The following COBL variants were observed in gnomAD, a reference collection of about 807,000 sequenced individuals.
COBL encodes cordon-bleu WH2 repeat protein.
COBL carries 51 observed loss-of-function variants against 98.8 expected under a neutral mutation model. The ratio of observed to expected loss-of-function variants is 0.52; its 90% CI spans 0.41 to 0.65. COBL has a LOEUF of 0.65. Among genes scored for constraint, COBL ranks in the 30% least tolerant of loss-of-function variants. The pLI is 0.00. For missense variants in COBL, 1,617 were observed against 1,617.5 expected, an observed-to-expected ratio of 1.00 and a Z score of 0.01; for synonymous variants, 634 against 651.7, an observed-to-expected ratio of 0.97 and a Z score of 0.41.
chr7:51,151,441 G>A (rs944173880), intron 5 of COBL, among the ~76,000 whole-genome samples: 16 of 152,144 alleles, frequency 1.1e-4, no homozygotes, highest in Admixed American at 2.6e-4. Flanking sequence ...CCACTCTGGC[G>A]TCGCACCTGC....
chr7:51,271,817 G>A (rs1798786556), intron 1 of COBL, among the ~76,000 whole-genome samples: 5 of 152,200 alleles, frequency 3.3e-5, no homozygotes, highest in Admixed American at 3.3e-4. Context: ...ATCACTTGAG[G>A]TCAGGAGTTC....
chr7:51,212,770 C>T (rs1792579793), intron 2 of COBL, among the ~76,000 whole-genome samples: 1 of 152,198 alleles, frequency 6.6e-6, no homozygotes, highest in Non-Finnish European at 1.5e-5. Flanking sequence ...CAATCTGAAC[C>T]TTCAGGGCTT....
intron 5 of COBL, among the ~76,000 whole-genome samples, chr7:51,181,613 G>A (rs545545171): frequency 2.0e-5 from 3 of 152,184 alleles, no homozygotes; most frequent in Non-Finnish European, 4.4e-5. Context: ...CAAACGAAGT[G>A]TGTCCCAGGC....
At chr7:51,057,805 C>T (rs1790916045) in intron 7 of COBL, among the ~76,000 whole-genome samples, 1 of 152,138 alleles carries the variant, frequency 6.6e-6, no homozygotes, top group African/African-American at 2.4e-5. Context: ...CTTAGGGTTT[C>T]AGGGTCTGTC....
intron 12 of COBL, 106 bp downstream of exon 12, chr7:51,025,003 T>C: frequency 2.0e-6 from 3 of 1,488,464 alleles, no homozygotes; most frequent in Non-Finnish European, 2.8e-6. Context: ...CCCACTCCCA[T>C]GTGACCGCCT....
At chr7:51,017,641 A>T in intron 12 of COBL, 73 bp from the exon 13 acceptor site, 1 of 1,493,202 alleles carries the variant, frequency 6.7e-7, no homozygotes, top group South Asian at 1.1e-5. Flanking sequence ...GGTGCTAGAG[A>T]GCTCTGTGCA....
intron 1 of COBL, among the ~76,000 whole-genome samples, chr7:51,229,388 T>C (rs575668778): frequency 6.6e-6 from 1 of 152,286 alleles, no homozygotes; most frequent in Non-Finnish European, 1.5e-5. Flanking sequence ...GCCTGGAAAA[T>C]GAGAATGAGA....
At chr7:51,288,158 G>A (rs189661550) in intron 1 of COBL, among the ~76,000 whole-genome samples, 47 of 152,294 alleles carry the variant, frequency 3.1e-4, no homozygotes, top group African/African-American at 1.1e-3. Context: ...TGGGGGCCAG[G>A]CATGATGGCT....
intron 4 of COBL, chr7:51,188,011 G>A: frequency 1.6e-6 from 2 of 1,221,304 alleles, no homozygotes; most frequent in Non-Finnish European, 2.0e-6. Flanking sequence ...ATGTGTGGGA[G>A]TCCCTGACCC....
chr7:51,029,601 G>A lies in COBL; in HGVS notation c.1505-10C>T. ...TAGCTGTCTTCCATTTCTGCAAAGAGGGACAAACACAAATCACAGATGTTT... is the reference window on the plus strand; with the variant it reads ...TAGCTGTCTTCCATTTCTGCAAAGAAGGACAAACACAAATCACAGATGTTT... On this transcript the variant is annotated splice_polypyrimidine_tract_variant and intron_variant, in intron 9 of 12. Coordinates refer to ENST00000265136, the MANE Select transcript of COBL (RefSeq NM_015198.5). The A allele has an allele frequency of 6.3e-7, 1 of 1,577,118 alleles. No individual in the cohort carries two copies. The highest frequency in any genetic ancestry group is 8.6e-7 in the Non-Finnish European group (1 of 1,156,728).
intron 1 of COBL, among the ~76,000 whole-genome samples, chr7:51,267,720 C>A (rs1382374516): frequency 1.3e-5 from 2 of 151,938 alleles, no homozygotes. Flanking sequence ...ATTACAGGCA[C>A]CTGCCACCAT....
At position 51,276,245 on chromosome 7, in the gene COBL, A is replaced by G. The variant is rs1271687072; in HGVS notation, c.41+40348T>C. Among the ~76,000 whole-genome samples the G allele has an allele frequency of 2.0e-5, 3 of 152,182 alleles. No individual in the cohort carries two copies. In the South Asian group the frequency reaches 6.2e-4, roughly 32 times the overall value. On this transcript the variant is annotated intron_variant, in intron 1 of 12. Transcript: ENST00000265136. ...CTCAGACATTTCTTAATCCATGAGTAACTGTTTCAGGGAGGCTGGGGACTG... is the reference window on the plus strand; with the variant it reads ...CTCAGACATTTCTTAATCCATGAGTGACTGTTTCAGGGAGGCTGGGGACTG...
intron 6 of COBL, among the ~76,000 whole-genome samples, chr7:51,098,537 T>C (rs961205121): frequency 2.6e-5 from 4 of 152,102 alleles, no homozygotes; most frequent in African/African-American, 9.7e-5. Context: ...ACAAATGGTG[T>C]TTGGAAAATG....
chr7:51,277,696 T>C (rs1453381062), intron 1 of COBL, among the ~76,000 whole-genome samples: 1 of 152,122 alleles, frequency 6.6e-6, no homozygotes, highest in African/African-American at 2.4e-5. Context: ...CTGCCCATTG[T>C]AGTTTCTACA....
At chr7:51,282,047 A>G (rs193128041) in intron 1 of COBL, among the ~76,000 whole-genome samples, 2 of 152,280 alleles carry the variant, frequency 1.3e-5, no homozygotes, top group East Asian at 3.9e-4. Context: ...ACAAAGGGAT[A>G]TACTAAAAAT....
In COBL at chr7:51,053,906, C is replaced by T. The variant is rs183645470; in HGVS notation, c.1097-10214G>A. On this transcript the variant is annotated intron_variant, in intron 7 of 12. Transcript: ENST00000265136. ...AAATTACAACATAAAAAGGGCTGGG[C>T]GCAGTGGCTTACGCCTGTAATCCCA... 1.3e-3 allele frequency among the ~76,000 whole-genome samples: 199 copies of T among 152,354 alleles called. 1 individual carries two copies. Among genetic ancestry groups the T allele is most frequent in the African/African-American group, 4.6e-3 (190 of 41,592 alleles).
rs182014561 is a variant in COBL at position 51,175,830 on chromosome 7, G to T, written c.783+8272C>A. Among the ~76,000 whole-genome samples the T allele has an allele frequency of 9.8e-4, 149 of 152,262 alleles. 1 individual carries two copies. Among genetic ancestry groups the T allele is most frequent in the Admixed American group, 4.3e-3 (66 of 15,276 alleles). On this transcript the variant is annotated intron_variant, in intron 5 of 12. Coordinates refer to ENST00000265136, the MANE Select transcript of COBL (RefSeq NM_015198.5). ...GCCTGCCATTCTCACCTAAAGATAG[G>T]CTCCATTATAAGACTTGCTTATGGG...
chr7:51,295,398 G>A (rs1336412157), intron 1 of COBL, among the ~76,000 whole-genome samples: 3 of 151,064 alleles, frequency 2.0e-5, no homozygotes, highest in African/African-American at 7.3e-5. Context: ...CAGAAATTAG[G>A]GCAAAAAAAT....
chr7:51,086,754 T>C (rs1794296179), intron 6 of COBL, among the ~76,000 whole-genome samples: 1 of 152,192 alleles, frequency 6.6e-6, no homozygotes, highest in Non-Finnish European at 1.5e-5. Context: ...ACTTTATTAA[T>C]ACTCAAACTA....
Sources: allele counts gnomAD v4.1 joint callset (sites outside exome capture counted in the v4.1 genomes callset), GRCh38; gene constraint gnomAD v4.1.1; transcripts MANE v1.5; gene names NCBI Gene and HGNC (gene_info 2026-07-23, HGNC 2026-07-21).